NPAS2: variants seen among roughly 807,000 people sequenced by gnomAD.
NPAS2 encodes neuronal PAS domain-containing protein 2.
A neutral mutation model predicts 107.5 loss-of-function variants in NPAS2; 23 were observed. The ratio of observed to expected loss-of-function variants is 0.21; its 90% CI spans 0.15 to 0.30. The LOEUF is 0.30. Ranked by LOEUF, NPAS2 falls within the 10% of genes least tolerant of loss-of-function variation. The probability of loss-of-function intolerance (pLI) is 1.00; values close to 1 mark genes in which losing one functional copy is unlikely to be tolerated. For synonymous variants in NPAS2, 403 were observed against 417.5 expected (o/e 0.97, Z 0.42); for missense variants, 756 against 1,043.3 (o/e 0.72, Z 3.79).
intron 1 of NPAS2, among the ~76,000 whole-genome samples, chr2:100,883,852 G>A (rs1234687733): frequency 6.6e-6 from 1 of 152,176 alleles, no homozygotes. Flanking sequence ...TACCTGGTCA[G>A]TGATGGATCA....
At chr2:100,979,334 T>C (rs1189206706) in intron 15 of NPAS2, among the ~76,000 whole-genome samples, 1 of 151,906 alleles carries the variant, frequency 6.6e-6, no homozygotes, top group Non-Finnish European at 1.5e-5. Flanking sequence ...GGGCATAAAA[T>C]GAAAATGTCT....
intron 1 of NPAS2, among the ~76,000 whole-genome samples, chr2:100,839,500 T>C (rs1677264732): frequency 6.6e-6 from 1 of 152,178 alleles, no homozygotes; most frequent in Admixed American, 6.5e-5. Flanking sequence ...TTTCTTATGA[T>C]TTTCTTAATA....
intron 3 of NPAS2, among the ~76,000 whole-genome samples, chr2:100,929,858 T>C (rs1458118287): frequency 6.6e-6 from 1 of 152,206 alleles, no homozygotes; most frequent in African/African-American, 2.4e-5. Context: ...GATCACATGA[T>C]AAGTAAGGAA....
intron 17 of NPAS2, 185 bp from the exon 18 acceptor site, chr2:100,990,071 C>T: frequency 3.1e-6 from 2 of 647,990 alleles, no homozygotes. Context: ...TGTCCTAGGC[C>T]CAAGGGATTC....
chr2:100,898,250 G>A (rs1293444432), intron 1 of NPAS2, among the ~76,000 whole-genome samples: 4 of 151,980 alleles, frequency 2.6e-5, no homozygotes, highest in Non-Finnish European at 5.9e-5. Context: ...TTGTAGAGAC[G>A]GAATCTTGCT....
chr2:100,885,008 G>C (rs966515692), intron 1 of NPAS2, among the ~76,000 whole-genome samples: 5 of 151,568 alleles, frequency 3.3e-5, no homozygotes, highest in Non-Finnish European at 1.5e-5. Context: ...GAGCGCAGTG[G>C]CACAGTCTTG....
intron 1 of NPAS2, among the ~76,000 whole-genome samples, chr2:100,844,583 T>C (rs1283191789): frequency 6.6e-6 from 1 of 152,192 alleles, no homozygotes; most frequent in East Asian, 1.9e-4. Context: ...GAGTACATTT[T>C]GAAACAAACC....
At chr2:100,919,393 C>CA (rs969668898) in intron 2 of NPAS2, among the ~76,000 whole-genome samples, 3 of 152,090 alleles carry the variant, frequency 2.0e-5, no homozygotes, top group Admixed American at 6.5e-5. Context: ...AAAACAAAAA[C>CA]AAAAAAACGT....
At chr2:100,831,002 C>T (rs1676695891) in intron 1 of NPAS2, among the ~76,000 whole-genome samples, 1 of 152,092 alleles carries the variant, frequency 6.6e-6, no homozygotes, top group Admixed American at 6.5e-5. Flanking sequence ...CATTGACCTA[C>T]CAAATCTTGT....
At chr2:100,896,637 G>C (rs1681428961) in intron 1 of NPAS2, among the ~76,000 whole-genome samples, 1 of 152,208 alleles carries the variant, frequency 6.6e-6, no homozygotes. Context: ...AGTAGCTCCT[G>C]CACATGCAGA....
At chr2:100,884,535 C>T (rs1017317655) in intron 1 of NPAS2, among the ~76,000 whole-genome samples, 1 of 152,190 alleles carries the variant, frequency 6.6e-6, no homozygotes, top group Non-Finnish European at 1.5e-5. Flanking sequence ...ATGTGACATA[C>T]ATGCTCTCGC....
At chr2:100,925,963 C>A (rs1434475178) in intron 3 of NPAS2, among the ~76,000 whole-genome samples, 2 of 152,200 alleles carry the variant, frequency 1.3e-5, no homozygotes, top group African/African-American at 4.8e-5. Flanking sequence ...CCCTCCAGAT[C>A]CTGGCAACCA....
intron 10 of NPAS2, among the ~76,000 whole-genome samples, chr2:100,966,585 C>CTTTTT (rs765292891): frequency 2.5e-5 from 3 of 120,340 alleles, no homozygotes; most frequent in East Asian, 2.5e-4. Context: ...CCCATTAGAA[C>CTTTTT]TTTTTTTTTT....
intron 7 of NPAS2, among the ~76,000 whole-genome samples, chr2:100,960,427 G>A (rs892090884): frequency 2.6e-5 from 4 of 151,768 alleles, no homozygotes; most frequent in Non-Finnish European, 5.9e-5. Flanking sequence ...GCCTGGCATT[G>A]TGGCACATGC....
intron 5 of NPAS2, among the ~76,000 whole-genome samples, chr2:100,943,416 T>C (rs1232903471): frequency 6.6e-6 from 1 of 152,256 alleles, no homozygotes; most frequent in African/African-American, 2.4e-5. Context: ...GTAGGCTTTC[T>C]TTCCGCGATC....
intron 1 of NPAS2, 102 bp from the exon 2 acceptor site, chr2:100,904,631 G>T: frequency 2.4e-6 from 2 of 845,672 alleles, no homozygotes; most frequent in Non-Finnish European, 3.7e-6. Context: ...GAGAACCACT[G>T]GGCTAAGACC....
intron 7 of NPAS2, among the ~76,000 whole-genome samples, chr2:100,960,055 A>G (rs1675829358): frequency 6.6e-6 from 1 of 151,802 alleles, no homozygotes; most frequent in Non-Finnish European, 1.5e-5. Context: ...CTGATTTGGG[A>G]GCTCACCTTT....
upstream of NPAS2, among the ~76,000 whole-genome samples, chr2:100,819,255 A>G (rs1372494636): frequency 6.6e-6 from 1 of 151,828 alleles, no homozygotes. This position sits in a 1 kb window ranked among gnomAD's most constrained non-coding sequence, Gnocchi z 5.8. Flanking sequence ...GGGGAGGGAG[A>G]GGCAGAGTGG....
intron 2 of NPAS2, among the ~76,000 whole-genome samples, chr2:100,917,688 G>T (rs886275089): frequency 6.6e-6 from 1 of 152,100 alleles, no homozygotes; most frequent in Non-Finnish European, 1.5e-5. Flanking sequence ...AATTAGAGCC[G>T]CATAAAATCC....
Sources: gnomAD v4.1 joint callset for allele counts (sites outside exome capture counted in the v4.1 genomes callset) on GRCh38, gnomAD v4.1.1 for gene constraint, Gnocchi (gnomAD v3.1) non-coding constraint, MANE v1.5 for transcripts, NCBI Gene and HGNC (gene_info 2026-07-23, HGNC 2026-07-21) for gene names.